GRIK2: variants seen among roughly 807,000 people sequenced by gnomAD.
GRIK2 encodes glutamate receptor ionotropic, kainate 2.
In GRIK2, 32 loss-of-function variants were observed where a neutral mutation model predicts 100.3. The observed-to-expected ratio is 0.32, with a 90% confidence interval of 0.24 to 0.43. The LOEUF (loss-of-function observed/expected upper bound fraction) is 0.43. GRIK2 is among the 20% of genes least tolerant of loss of function. GRIK2 has a pLI of 1.00. For missense variants in GRIK2, 843 were observed against 1,114.9 expected, an observed-to-expected ratio of 0.76 and a Z score of 3.47; for synonymous variants, 417 against 389.4, an observed-to-expected ratio of 1.07 and a Z score of -0.83.
At chr6:101,518,867 G>T (rs77853038) in intron 2 of GRIK2, among the ~76,000 whole-genome samples, 1,821 of 152,202 alleles carry the variant, frequency 0.012, 34 homozygotes, top group African/African-American at 0.042. Context: ...CCAACAGAGT[G>T]TCCCCTTAAA....
chr6:101,436,230 G>C (rs1769705267), intron 2 of GRIK2, among the ~76,000 whole-genome samples: 1 of 152,050 alleles, frequency 6.6e-6, no homozygotes, highest in Non-Finnish European at 1.5e-5. Context: ...TCATTTTTAT[G>C]AGATAAATAG....
chr6:101,525,709 C>A (rs1775116553), intron 2 of GRIK2, among the ~76,000 whole-genome samples: 1 of 152,166 alleles, frequency 6.6e-6, no homozygotes, highest in African/African-American at 2.4e-5. Flanking sequence ...ACAGCCCCCA[C>A]TTTATAAAAA....
At chr6:101,432,319 T>C (rs1456068109) in intron 2 of GRIK2, among the ~76,000 whole-genome samples, 1 of 152,230 alleles carries the variant, frequency 6.6e-6, no homozygotes, top group Non-Finnish European at 1.5e-5. Context: ...CTGTCCTATG[T>C]GCTTACTAGA....
rs538887318 is a variant in GRIK2, at chr6:101,966,523, T to A, written c.2085+37891T>A. Reference sequence around the variant, plus strand: ...TTCTAATTAATTATTTGTTCAGATCTTAACTTTTATAACAGGATATGTTGA... The same window carrying A: ...TTCTAATTAATTATTTGTTCAGATCATAACTTTTATAACAGGATATGTTGA... On this transcript the variant is annotated intron_variant, in intron 14 of 16. Transcript: ENST00000369134. Among the ~76,000 whole-genome samples the A allele has an allele frequency of 4.6e-5, 7 of 152,296 alleles. No individual in the cohort carries two copies. The South Asian group carries it at 1.2e-3, about 27-fold the overall frequency.
At chr6:101,452,612 A>G (rs1053458097) in intron 2 of GRIK2, among the ~76,000 whole-genome samples, 15 of 151,800 alleles carry the variant, frequency 9.9e-5, no homozygotes, top group African/African-American at 3.6e-4. Context: ...ATACAAAGAT[A>G]TGTTTGCTCA....
At chr6:101,658,126 TACACAAGC>T (rs971965087) in intron 4 of GRIK2, among the ~76,000 whole-genome samples, 5 of 152,166 alleles carry the variant, frequency 3.3e-5, no homozygotes, top group African/African-American at 7.2e-5. Flanking sequence ...TAAATAGGTA[TACACAAGC>T]CATGGTGGTT....
rs780666228 is a variant in GRIK2 at position 101,621,932 on chromosome 6, C to G, written c.116-17C>G. On this transcript the variant is annotated splice_polypyrimidine_tract_variant and intron_variant, in intron 2 of 16. Coordinates refer to ENST00000369134, the MANE Select transcript of GRIK2 (RefSeq NM_021956.5). ...TATTCTTGTAAAATTTATGATTTTT[C>G]TCTTTCTTTTTGCCAGGTGGTATTT... The G allele has an allele frequency of 6.4e-7, 1 of 1,558,064 alleles. No individual in the cohort carries two copies. Among genetic ancestry groups the G allele is most frequent in the Non-Finnish European group, 8.8e-7 (1 of 1,132,096 alleles).
chr6:101,841,162 C>A (rs1783476146), intron 10 of GRIK2, among the ~76,000 whole-genome samples: 1 of 152,146 alleles, frequency 6.6e-6, no homozygotes, highest in African/African-American at 2.4e-5. Flanking sequence ...TGCCCTCGAG[C>A]AATAGCATTC....
intron 15 of GRIK2, among the ~76,000 whole-genome samples, chr6:102,051,340 T>C (rs2114491778): frequency 6.7e-6 from 1 of 149,462 alleles, no homozygotes; most frequent in Middle Eastern, 3.4e-3. Context: ...GACTTTTTTT[T>C]ACTTGGTAAA....
chr6:101,434,708 G>T (rs957313634), intron 2 of GRIK2, among the ~76,000 whole-genome samples: 1 of 151,938 alleles, frequency 6.6e-6, no homozygotes, highest in Non-Finnish European at 1.5e-5. Context: ...TGGCCTTTCT[G>T]TGTTTATCTA....
At chr6:101,931,457 C>G (rs921290201) in intron 14 of GRIK2, among the ~76,000 whole-genome samples, 1 of 152,020 alleles carries the variant, frequency 6.6e-6, no homozygotes, top group Non-Finnish European at 1.5e-5. Flanking sequence ...TTATAAAAAA[C>G]GATACAGTTT....
chr6:101,410,517 T>TA (rs138352535), intron 2 of GRIK2, among the ~76,000 whole-genome samples: 2,170 of 150,936 alleles, frequency 0.014, 52 homozygotes, highest in African/African-American at 0.051. Context: ...TAAACTGACT[T>TA]AAAAAAAAAG....
At chr6:101,724,027 T>G (rs2128366986) in intron 7 of GRIK2, among the ~76,000 whole-genome samples, 1 of 151,914 alleles carries the variant, frequency 6.6e-6, no homozygotes, top group East Asian at 2.0e-4. Context: ...AGACTAGCCA[T>G]ATTTATCTTA....
At chr6:101,870,548 G>T (rs1785347047) in intron 11 of GRIK2, among the ~76,000 whole-genome samples, 1 of 151,808 alleles carries the variant, frequency 6.6e-6, no homozygotes, top group Admixed American at 6.6e-5. Flanking sequence ...TTGCCACAAT[G>T]CTTTACACGT....
chr6:101,655,426 A>C (rs1782009214), intron 4 of GRIK2, among the ~76,000 whole-genome samples: 1 of 152,184 alleles, frequency 6.6e-6, no homozygotes, highest in Non-Finnish European at 1.5e-5. Context: ...ACCTATTCTT[A>C]AGAACAATTA....
At chr6:101,767,674 C>T (rs1298312299) in intron 7 of GRIK2, among the ~76,000 whole-genome samples, 1 of 151,750 alleles carries the variant, frequency 6.6e-6, no homozygotes, top group Non-Finnish European at 1.5e-5. Flanking sequence ...TGTAGGCCCA[C>T]ACTGTTGAGA....
At chr6:101,445,382 C>CT (rs1770321262) in intron 2 of GRIK2, among the ~76,000 whole-genome samples, 1 of 14,762 alleles carries the variant, frequency 6.8e-5, no homozygotes, top group African/African-American at 3.3e-4. Flanking sequence ...ACTCAGCATA[C>CT]TTTCTGTGAA....
chr6:101,851,218 T>A (rs1562438487), intron 10 of GRIK2, among the ~76,000 whole-genome samples: 1 of 152,110 alleles, frequency 6.6e-6, no homozygotes, highest in Non-Finnish European at 1.5e-5. Context: ...TTTATTTGCC[T>A]ATGACAGAAG....
chr6:101,426,315 C>A (rs1429608474), intron 2 of GRIK2, among the ~76,000 whole-genome samples: 5 of 152,106 alleles, frequency 3.3e-5, no homozygotes, highest in Non-Finnish European at 7.4e-5. Flanking sequence ...AGTACTTAAC[C>A]AACATGGTTA....
Sources: gnomAD v4.1 joint callset for allele counts (sites outside exome capture counted in the v4.1 genomes callset) on GRCh38, gnomAD v4.1.1 for gene constraint, MANE v1.5 for transcripts, NCBI Gene and HGNC (gene_info 2026-07-23, HGNC 2026-07-21) for gene names.